MICAL2: variants seen among roughly 807,000 people sequenced by gnomAD.
MICAL2 encodes the protein microtubule associated monooxygenase, calponin and LIM domain containing 2.
Under a neutral mutation model 127.3 loss-of-function variants are expected in MICAL2, and 77 were observed. The observed-to-expected ratio is 0.60, with a 90% CI of 0.50 to 0.73. The LOEUF is 0.73. Among genes scored for constraint, MICAL2 ranks in the 30% least tolerant of loss-of-function variants. MICAL2 has a pLI of 0.00. For missense variants in MICAL2, 1,351 were observed against 1,434.4 expected, an observed-to-expected ratio of 0.94 and a Z score of 0.94; for synonymous variants, 570 against 551.1, an observed-to-expected ratio of 1.03 and a Z score of -0.48.
At chr11:12,166,631 G>A (rs1001458761) in intron 3 of MICAL2, among the ~76,000 whole-genome samples, 2 of 152,200 alleles carry the variant, frequency 1.3e-5, no homozygotes, top group Non-Finnish European at 2.9e-5. Flanking sequence ...GAGTTACCAT[G>A]AGAGTTAAAT....
At chr11:12,204,559 C>A in intron 4 of MICAL2, 102 bp downstream of exon 4, 2 of 1,166,050 alleles carry the variant, frequency 1.7e-6, no homozygotes, top group Non-Finnish European at 2.5e-6. Context: ...CCATCTTAGT[C>A]CCTGGGGGCA....
chr11:12,326,212 A>T (rs1376290904), intron 31 of MICAL2, among the ~76,000 whole-genome samples: 1 of 152,130 alleles, frequency 6.6e-6, no homozygotes, highest in East Asian at 1.9e-4. Context: ...AAAACAGAGG[A>T]GGAACACAGG....
intron 22 of MICAL2, chr11:12,254,148 C>T (rs535068172): frequency 6.6e-6 from 1 of 152,220 alleles, no homozygotes; most frequent in African/African-American, 2.4e-5. Context: ...CTTAGGAGCT[C>T]TGCCTCAGGA....
chr11:12,221,545 C>T (rs1391806795), intron 9 of MICAL2, 99 bp from the exon 10 acceptor site: 6 of 809,870 alleles, frequency 7.4e-6, no homozygotes, highest in Non-Finnish European at 1.0e-5. Context: ...CCCTCCAGTG[C>T]CCTGCACAGT....
upstream of MICAL2, among the ~76,000 whole-genome samples, chr11:12,272,349 G>A (rs569889440): frequency 1.2e-4 from 18 of 152,106 alleles, no homozygotes; most frequent in Non-Finnish European, 2.4e-4. Flanking sequence ...CTCCCCTTCT[G>A]CCTCTTCCAT....
intron 32 of MICAL2, among the ~76,000 whole-genome samples, chr11:12,342,900 C>T (rs1938889987): frequency 6.6e-6 from 1 of 152,118 alleles, no homozygotes; most frequent in African/African-American, 2.4e-5. Flanking sequence ...TCGTCAGGAC[C>T]CACAGGAAGG....
intron 1 of MICAL2, among the ~76,000 whole-genome samples, chr11:12,125,576 C>T (rs10831739): frequency 0.2 from 30,512 of 152,124 alleles, 3,389 homozygotes; most frequent in Middle Eastern, 0.25. Context: ...TATGTAGAGA[C>T]ACTCTATCTC....
intron 32 of MICAL2, among the ~76,000 whole-genome samples, chr11:12,333,873 T>C (rs10765942): frequency 0.69 from 104,238 of 151,962 alleles, 36,164 homozygotes; most frequent in Middle Eastern, 0.74. Flanking sequence ...CATCAAAGGA[T>C]CCAAACATAT....
chr11:12,179,497 TC>T (rs1469508523), intron 3 of MICAL2, among the ~76,000 whole-genome samples: 1 of 152,156 alleles, frequency 6.6e-6, no homozygotes, highest in African/African-American at 2.4e-5. Context: ...AGCTGCTGCT[TC>T]TCTTACCATG....
At chr11:12,167,283 T>A (rs775055153) in intron 3 of MICAL2, among the ~76,000 whole-genome samples, 1 of 152,176 alleles carries the variant, frequency 6.6e-6, no homozygotes, top group Non-Finnish European at 1.5e-5. Flanking sequence ...TCTTGCGTTA[T>A]CTTTTTAGAA....
chr11:12,269,263 C>G (rs965859265), intron 24 of MICAL2, among the ~76,000 whole-genome samples: 1 of 152,168 alleles, frequency 6.6e-6, no homozygotes, highest in African/African-American at 2.4e-5. Flanking sequence ...GGGCTGCCTT[C>G]CGAGAAACTT....
At chr11:12,266,734 C>T (rs972612643), downstream of MICAL2, among the ~76,000 whole-genome samples, 28 of 152,238 alleles carry the variant, frequency 1.8e-4, no homozygotes, top group African/African-American at 6.0e-4. Flanking sequence ...AGAGGAACCT[C>T]GGTGCATGCT....
At chr11:12,171,641 G>C (rs1243504344) in intron 3 of MICAL2, among the ~76,000 whole-genome samples, 1 of 152,208 alleles carries the variant, frequency 6.6e-6, no homozygotes, top group Non-Finnish European at 1.5e-5. Context: ...GAATTTGTAA[G>C]AGTGCATTCA....
chr11:12,183,175 T>C (rs1440449036), intron 3 of MICAL2, among the ~76,000 whole-genome samples: 1 of 151,964 alleles, frequency 6.6e-6, no homozygotes, highest in African/African-American at 2.4e-5. Flanking sequence ...CCTTTTTTTT[T>C]TTCTTTTTTT....
At chr11:12,161,577 G>T (rs983738780) in intron 2 of MICAL2, 1 of 153,706 alleles carries the variant, frequency 6.5e-6, no homozygotes, top group African/African-American at 2.4e-5. Flanking sequence ...CTACGGAGAG[G>T]TGGGCAGTCA....
chr11:12,143,490 T>C (rs530653615), intron 2 of MICAL2, among the ~76,000 whole-genome samples: 4 of 152,356 alleles, frequency 2.6e-5, no homozygotes, highest in Admixed American at 1.3e-4. Context: ...TGTTTCCATA[T>C]AGAGAAAGGA....
At chr11:12,362,129 C>T (rs1443721938), downstream of MICAL2, among the ~76,000 whole-genome samples, 2 of 152,174 alleles carry the variant, frequency 1.3e-5, no homozygotes, top group Non-Finnish European at 2.9e-5. Flanking sequence ...TTTTGTGTCT[C>T]AGGAATCAAA....
At chr11:12,159,097 C>G (rs1565062165) in intron 2 of MICAL2, among the ~76,000 whole-genome samples, 1 of 152,212 alleles carries the variant, frequency 6.6e-6, no homozygotes, top group Non-Finnish European at 1.5e-5. Flanking sequence ...CTCCCTCCAC[C>G]TCCCCTTATC....
At chr11:12,177,325 C>T (rs898346691) in intron 3 of MICAL2, among the ~76,000 whole-genome samples, 1 of 152,272 alleles carries the variant, frequency 6.6e-6, no homozygotes. Flanking sequence ...CAGTCCTTTG[C>T]CCATTTTCGA....
Sources: gnomAD v4.1 joint callset for allele counts (sites outside exome capture counted in the v4.1 genomes callset) on GRCh38, gnomAD v4.1.1 for gene constraint, MANE v1.5 for transcripts, NCBI Gene and HGNC (gene_info 2026-07-23, HGNC 2026-07-21) for gene names.